Variants in ZNF430 observed in about 807,000 individuals in gnomAD.
The protein encoded by ZNF430 is zinc finger protein 430.
Under a neutral mutation model 56.7 loss-of-function variants are expected in ZNF430, and 35 were observed. The observed-to-expected ratio is 0.62, with a 90% CI of 0.47 to 0.82. The LOEUF is 0.82. ZNF430 is among the 40% of genes least tolerant of loss of function. The pLI is 0.00. For missense variants in ZNF430, 574 were observed against 661.0 expected (o/e 0.87, Z 1.44); for synonymous variants, 212 against 224.3 (o/e 0.94, Z 0.49).
At chr19:21,026,850 T>TTTTTTTTTTTTTTTTC in intron 2 of ZNF430, among the ~76,000 whole-genome samples, 1 of 128,584 alleles carries the variant, frequency 7.8e-6, no homozygotes, top group Non-Finnish European at 1.7e-5. Context: ...TTTTTTTTTT[T>TTTTTTTTTTTTTTTTC]GAGACAGAGT....
intron 2 of ZNF430, among the ~76,000 whole-genome samples, chr19:21,032,876 T>C (rs1180111192): frequency 6.6e-6 from 1 of 152,214 alleles, no homozygotes; most frequent in Non-Finnish European, 1.5e-5. Context: ...CTTTTTTGTC[T>C]GAAAAATATA....
intron 4 of ZNF430, among the ~76,000 whole-genome samples, chr19:21,054,010 A>G (rs547415370): frequency 6.6e-6 from 1 of 152,148 alleles, no homozygotes; most frequent in African/African-American, 2.4e-5. Flanking sequence ...AAAAAGAAAA[A>G]AACTTCAGTT....
intron 4 of ZNF430, among the ~76,000 whole-genome samples, chr19:21,056,229 C>A (rs73018975): frequency 2.6e-5 from 4 of 151,822 alleles, no homozygotes; most frequent in Non-Finnish European, 4.4e-5. Flanking sequence ...TGCCAAAGTG[C>A]GGTAATCCCA....
intron 2 of ZNF430, among the ~76,000 whole-genome samples, chr19:21,025,072 C>T (rs758093017): frequency 4.6e-5 from 7 of 152,018 alleles, no homozygotes; most frequent in East Asian, 1.9e-4. Flanking sequence ...TCTTGGATTT[C>T]GCTCAAGAAA....
intron 4 of ZNF430, among the ~76,000 whole-genome samples, chr19:21,041,616 G>A (rs1263448250): frequency 6.6e-6 from 1 of 152,140 alleles, no homozygotes; most frequent in Non-Finnish European, 1.5e-5. Context: ...TCACTTAGGT[G>A]TGAAGCCCTG....
At chr19:21,055,560 TGCC>T (rs754447895) in intron 4 of ZNF430, among the ~76,000 whole-genome samples, 3 of 152,140 alleles carry the variant, frequency 2.0e-5, no homozygotes, top group Non-Finnish European at 4.4e-5. Context: ...GTGATTCTCC[TGCC>T]TCAGCCTCCC....
At chr19:21,033,141 G>A (rs1967932499) in intron 2 of ZNF430, among the ~76,000 whole-genome samples, 1 of 152,020 alleles carries the variant, frequency 6.6e-6, no homozygotes, top group Non-Finnish European at 1.5e-5. Context: ...GCTCACCTGA[G>A]GTTGAGAGTT....
chr19:21,024,070 C>A (rs528544252), intron 2 of ZNF430, among the ~76,000 whole-genome samples: 25 of 152,074 alleles, frequency 1.6e-4, no homozygotes, highest in Non-Finnish European at 3.5e-4. Context: ...AAGCTTGAGC[C>A]CAGTGACTCA....
chr19:21,026,015 A>C (rs1246340392), intron 2 of ZNF430: 1 of 379,982 alleles, frequency 2.6e-6, no homozygotes, highest in Non-Finnish European at 5.0e-6. Context: ...GATCCATGGC[A>C]TGGTTTCCTC....
rs144042364 is a variant in ZNF430, at chr19:21,051,436, T to C, written c.323-5195T>C. The stretch of plus-strand genomic sequence containing the variant: ...AGCAATGCTGCAATAATTATGGATA[T>C]GCAAATAACTTCATATGGCCATATA... On this transcript the variant is annotated intron_variant, in intron 4 of 4. Transcript: ENST00000261560. Among the ~76,000 whole-genome samples the C allele has an allele frequency of 1.7e-4, 25 of 150,018 alleles. No homozygotes were observed. The East Asian group carries it at 3.1e-3, about 19-fold the overall frequency.
At chr19:21,032,020 A>G (rs1323496322) in intron 2 of ZNF430, among the ~76,000 whole-genome samples, 2 of 152,188 alleles carry the variant, frequency 1.3e-5, no homozygotes, top group African/African-American at 2.4e-5. Context: ...CGGCACTACT[A>G]AAAATGTTCC....
Position 21,034,111 on chromosome 19 carries a change from C to G in ZNF430, c.249C>G (p.Asp83Glu). The part of the protein sequence containing the change: ...FLAGIAVSKP[D>E]LITCLEQGKE... ...CAGGTATTGCTGTTTCTAAGCCAGA[C>G]CTGATCACCTGTCTAGAGCAAGGAA... The change falls in exon 4 of 5, where the codon GAC becomes GAG. Residue 83 changes from aspartate (D) to glutamate (E), a missense_variant. Asp to Glu is a conservative substitution (Grantham distance 45, BLOSUM62 2). Transcript: ENST00000261560. The G allele has an allele frequency of 1.2e-6, 2 of 1,613,022 alleles. No homozygotes were observed. Among genetic ancestry groups the G allele is most frequent in the African/African-American group, 2.7e-5 (2 of 74,920 alleles).
chr19:21,045,292 T>A (rs969623176), intron 4 of ZNF430, among the ~76,000 whole-genome samples: 3 of 152,218 alleles, frequency 2.0e-5, no homozygotes, highest in African/African-American at 7.2e-5. Flanking sequence ...CTCATTGGTT[T>A]CAAAGAATTT....
chr19:21,030,951 C>T (rs1967891842), intron 2 of ZNF430, among the ~76,000 whole-genome samples: 1 of 152,108 alleles, frequency 6.6e-6, no homozygotes, highest in Non-Finnish European at 1.5e-5. Flanking sequence ...GGCATAATCT[C>T]GGCTCAGTGA....
intron 2 of ZNF430, chr19:21,025,875 C>T (rs1425666074): frequency 2.9e-6 from 1 of 339,024 alleles, no homozygotes; most frequent in Non-Finnish European, 5.5e-6. Flanking sequence ...TCTTTGTACT[C>T]TTTCCACAAT....
At chr19:21,047,208 T>G (rs914044514) in intron 4 of ZNF430, among the ~76,000 whole-genome samples, 1 of 152,196 alleles carries the variant, frequency 6.6e-6, no homozygotes, top group South Asian at 2.1e-4. Context: ...CCTCTCTAAA[T>G]TGGTTGTTTT....
chr19:21,041,706 A>G (rs1398722783), intron 4 of ZNF430, among the ~76,000 whole-genome samples: 2 of 58,004 alleles, frequency 3.4e-5, no homozygotes, highest in Admixed American at 1.7e-4. Context: ...CTATGTGTCC[A>G]TGTTTGTTTT....
chr19:21,033,673 C>T, intron 3 of ZNF430, 91 bp downstream of exon 3: 1 of 1,369,340 alleles, frequency 7.3e-7, no homozygotes, highest in Non-Finnish European at 9.8e-7. Flanking sequence ...TTATGCTTTG[C>T]ATAAATGAGT....
At chr19:21,046,153 C>T (rs1968183228) in intron 4 of ZNF430, among the ~76,000 whole-genome samples, 1 of 151,994 alleles carries the variant, frequency 6.6e-6, no homozygotes, top group Non-Finnish European at 1.5e-5. Context: ...GAAACCCCGC[C>T]TCTACTAAAA....
Sources: allele counts gnomAD v4.1 joint callset (sites outside exome capture counted in the v4.1 genomes callset), GRCh38; gene constraint gnomAD v4.1.1; transcripts MANE v1.5; gene names NCBI Gene and HGNC (gene_info 2026-07-23, HGNC 2026-07-21).